The following GAS7 variants were observed in gnomAD, a reference collection of about 807,000 sequenced individuals.
GAS7 encodes the protein growth arrest specific 7, also known as growth arrest-specific protein 7.
A neutral mutation model predicts 71.1 loss-of-function variants in GAS7; 28 were observed. That is an observed-to-expected ratio of 0.39 (90% CI 0.29 to 0.54). The LOEUF is 0.54. GAS7 is among the 20% of genes least tolerant of loss of function. GAS7 has a pLI of 0.62. For synonymous variants in GAS7, 258 were observed against 245.8 expected, an observed-to-expected ratio of 1.05 and a Z score of -0.46; for missense variants, 436 against 627.8, an observed-to-expected ratio of 0.69 and a Z score of 3.27.
intron 1 of GAS7, among the ~76,000 whole-genome samples, chr17:10,173,163 T>C (rs1273198108): frequency 6.6e-6 from 1 of 152,092 alleles, no homozygotes; most frequent in Non-Finnish European, 1.5e-5. Flanking sequence ...AGTGGTCGCC[T>C]GATGCTGGGG....
chr17:10,074,412 T>C (rs1452877602), intron 1 of GAS7, among the ~76,000 whole-genome samples: 1 of 152,186 alleles, frequency 6.6e-6, no homozygotes, highest in Admixed American at 6.5e-5. Context: ...TTTCTCCTTC[T>C]GAATAATACA....
intron 1 of GAS7, among the ~76,000 whole-genome samples, chr17:10,177,692 C>T (rs1033884473): frequency 5.9e-5 from 9 of 152,186 alleles, no homozygotes; most frequent in African/African-American, 2.2e-4. Flanking sequence ...ATCATGTCAG[C>T]TGCCTGTCTG....
intron 2 of GAS7, among the ~76,000 whole-genome samples, chr17:10,013,102 CAAAAAAAAA>C (rs1207550210): frequency 1.0e-5 from 1 of 96,820 alleles, no homozygotes; most frequent in African/African-American, 3.6e-5. Context: ...GACTCTGTCT[CAAAAAAAAA>C]AAAAAAAAAA....
chr17:9,956,332 A>G (rs2069234753), intron 5 of GAS7, among the ~76,000 whole-genome samples: 2 of 152,152 alleles, frequency 1.3e-5, no homozygotes, highest in Non-Finnish European at 2.9e-5. Flanking sequence ...ACAGAGAAGA[A>G]GAGTAGACAG....
At chr17:10,014,617 C>T (rs1376326012) in intron 2 of GAS7, among the ~76,000 whole-genome samples, 6 of 152,246 alleles carry the variant, frequency 3.9e-5, no homozygotes, top group Admixed American at 3.3e-4. Context: ...TCAAGGCCGC[C>T]CCCTCCCCCT....
At chr17:9,943,313 C>T (rs1024104336) in intron 6 of GAS7, 77 bp from the exon 7 acceptor site, 38 of 870,308 alleles carry the variant, frequency 4.4e-5, no homozygotes, top group Non-Finnish European at 5.7e-5. Flanking sequence ...AGAGGGAGGA[C>T]GGCTCCTAGA....
At chr17:10,058,444 TC>T (rs1239428363) in intron 1 of GAS7, among the ~76,000 whole-genome samples, 1 of 147,696 alleles carries the variant, frequency 6.8e-6, no homozygotes, top group Non-Finnish European at 1.5e-5. Flanking sequence ...AGAGCGAGAC[TC>T]CGTCTCAAAA....
At chr17:10,094,012 G>A (rs9894639) in intron 1 of GAS7, among the ~76,000 whole-genome samples, 3,587 of 152,222 alleles carry the variant, frequency 0.024, 153 homozygotes, top group African/African-American at 0.082. Flanking sequence ...TAAGTGATGG[G>A]TACATCAAAT....
intron 2 of GAS7, among the ~76,000 whole-genome samples, chr17:10,005,304 CATATATACACACACATAT>C (rs1243905048): frequency 6.6e-5 from 10 of 150,604 alleles, no homozygotes; most frequent in Admixed American, 1.3e-4. Context: ...TGTATATACA[CATATATACACACACATAT>C]ATATATACAC....
Position 9,926,575 on chromosome 17 carries a change from C to CCAGTCCCCCTTCTTCCAGG in GAS7, c.1014+47_1014+65dup, listed in dbSNP as rs2068007165. 2 of 1,561,426 alleles carry CCAGTCCCCCTTCTTCCAGG rather than the reference C, an allele frequency of 1.3e-6. No individual in the cohort carries two copies. The highest frequency in any genetic ancestry group is 1.7e-5 in the Admixed American group (1 of 59,630). Reference sequence around the variant, plus strand: ...GGCGTATGGAGCCACTGCTGGCTTCCCAGTCCCCCTTCTTCCAGGCAGTCC... The same window carrying CCAGTCCCCCTTCTTCCAGG: ...GGCGTATGGAGCCACTGCTGGCTTCCCAGTCCCCCTTCTTCCAGGCAGTCCCCCTTCTTCCAGGCAGTCC... On this transcript the variant is annotated intron_variant, in intron 10 of 13. Transcript: ENST00000432992. The surrounding 1 kb of genome is among the most constrained non-coding windows in gnomAD (Gnocchi z 5.0).
At chr17:10,028,110 G>C (rs1486945024) in intron 1 of GAS7, among the ~76,000 whole-genome samples, 1 of 152,270 alleles carries the variant, frequency 6.6e-6, no homozygotes, top group Non-Finnish European at 1.5e-5. Flanking sequence ...TCACCGCGTT[G>C]GCCAGGATGG....
chr17:10,061,288 C>T (rs1231256911), intron 1 of GAS7: 1 of 152,220 alleles, frequency 6.6e-6, no homozygotes, highest in Non-Finnish European at 1.5e-5. Context: ...TGACGGATTA[C>T]AAGGAAGAAA....
intron 1 of GAS7, among the ~76,000 whole-genome samples, chr17:10,112,965 C>A (rs1359975081): frequency 6.6e-6 from 1 of 152,118 alleles, no homozygotes; most frequent in Non-Finnish European, 1.5e-5. Context: ...AAACAACCGA[C>A]TGGCCTGCAG....
At chr17:10,028,978 T>C (rs2072541025) in intron 1 of GAS7, among the ~76,000 whole-genome samples, 1 of 152,072 alleles carries the variant, frequency 6.6e-6, no homozygotes, top group African/African-American at 2.4e-5. Context: ...AAAGAAAGAA[T>C]AAACAAAGGT....
intron 1 of GAS7, among the ~76,000 whole-genome samples, chr17:10,120,375 C>T (rs926086963): frequency 1.3e-5 from 2 of 152,174 alleles, no homozygotes; most frequent in Non-Finnish European, 2.9e-5. Context: ...CTCCTGGTTC[C>T]TCTGCTGAGT....
chr17:10,125,080 A>AAAG (rs397778028), intron 1 of GAS7, among the ~76,000 whole-genome samples: 1 of 149,648 alleles, frequency 6.7e-6, no homozygotes, highest in Non-Finnish European at 1.5e-5. Context: ...AAAAAAAAAA[A>AAAG]GGGGGGGTGT....
Position 9,910,622 on chromosome 17 carries a change from CTCTT to C in GAS7, c.*6602_*6605del, listed in dbSNP as rs1220317598. 2 of 190,300 alleles carry C rather than the reference CTCTT, an allele frequency of 1.1e-5. No individual in the cohort carries two copies. The highest frequency in any genetic ancestry group is 2.3e-5 in the African/African-American group (1 of 42,764). The allele number at this position is 190,300 out of a possible 1,614,324, so 11.8% of individuals were successfully genotyped here. A position where few individuals can be genotyped will look rare whatever the true frequency, so the allele number is the denominator to read the frequency against. ...GAGATGGGATTTAACTTCCTGAAAA[CTCTT>C]TATAATAATGCAGGACAACTGTATA... On this transcript the variant is annotated 3_prime_UTR_variant, in exon 14 of 14. Transcript: ENST00000432992.
chr17:10,040,187 G>A (rs1474417003), intron 1 of GAS7, among the ~76,000 whole-genome samples: 1 of 152,234 alleles, frequency 6.6e-6, no homozygotes, highest in East Asian at 1.9e-4. Flanking sequence ...AGAGGCTCCT[G>A]CGAGAGATTG....
chr17:10,179,806 A>C (rs2074400369), intron 1 of GAS7, among the ~76,000 whole-genome samples: 1 of 152,146 alleles, frequency 6.6e-6, no homozygotes, highest in East Asian at 1.9e-4. Context: ...CCCACCCAAA[A>C]TGGTGACCAG....
Sources: allele counts gnomAD v4.1 joint callset (sites outside exome capture counted in the v4.1 genomes callset), GRCh38; gene constraint gnomAD v4.1.1; non-coding constraint Gnocchi (gnomAD v3.1); transcripts MANE v1.5; gene names NCBI Gene and HGNC (gene_info 2026-07-23, HGNC 2026-07-21).